TRMT11: variants seen among roughly 807,000 people sequenced by gnomAD.
TRMT11 encodes the protein tRNA (guanine(10)-N(2))-methyltransferase TRMT11.
A neutral mutation model predicts 62.8 loss-of-function variants in TRMT11; 53 were observed. The ratio of observed to expected loss-of-function variants is 0.84; its 90% CI spans 0.68 to 1.06. The LOEUF is 1.06. Among genes scored for constraint, TRMT11 ranks in the 50% least tolerant of loss-of-function variants. The pLI, the probability that TRMT11 is intolerant of heterozygous loss-of-function variation, is 0.00. For missense variants in TRMT11, 556 were observed against 553.4 expected (o/e 1.00, Z -0.05); for synonymous variants, 188 against 190.3 (o/e 0.99, Z 0.10).
chr6:126,266,803 T>C, the TRMT11 span, among the ~76,000 whole-genome samples: 1 of 152,214 alleles, frequency 6.6e-6, no homozygotes. Flanking sequence ...TAAAAGGGAA[T>C]TGTTCTTTTA....
At chr6:126,068,160 T>G (rs1776744054) in intron 17 of TRMT11, among the ~76,000 whole-genome samples, 1 of 152,146 alleles carries the variant, frequency 6.6e-6, no homozygotes. Flanking sequence ...TTGTCCATCA[T>G]TTTTTATTGT....
At chr6:126,248,185 T>C in the TRMT11 span, among the ~76,000 whole-genome samples, 1 of 152,120 alleles carries the variant, frequency 6.6e-6, no homozygotes, top group Admixed American at 6.6e-5. Context: ...TTGATCATCC[T>C]CTGAAAGACT....
intron 12 of TRMT11, among the ~76,000 whole-genome samples, chr6:126,028,464 T>C (rs1773593463): frequency 6.6e-6 from 1 of 152,154 alleles, no homozygotes; most frequent in African/African-American, 2.4e-5. Context: ...TTGCATTATT[T>C]ATAAATTATG....
intron 12 of TRMT11, among the ~76,000 whole-genome samples, chr6:126,028,010 A>G (rs1308334451): frequency 6.6e-6 from 1 of 152,214 alleles, no homozygotes; most frequent in African/African-American, 2.4e-5. Flanking sequence ...GTTGCTGATC[A>G]TAAACTCTGG....
chr6:126,189,615 G>T (rs1022060683), intron 1 of TRMT11, among the ~76,000 whole-genome samples: 2 of 152,002 alleles, frequency 1.3e-5, no homozygotes, highest in African/African-American at 4.8e-5. Flanking sequence ...TTCCTGTTAT[G>T]GCCAATAAAC....
At chr6:126,017,583 T>C (rs1448495581) in intron 11 of TRMT11, among the ~76,000 whole-genome samples, 1 of 152,200 alleles carries the variant, frequency 6.6e-6, no homozygotes, top group Admixed American at 6.5e-5. Context: ...TCTGTCCCCA[T>C]TGTTTGAGAT....
At chr6:126,002,970 C>CA in intron 7 of TRMT11, among the ~76,000 whole-genome samples, 1 of 152,174 alleles carries the variant, frequency 6.6e-6, no homozygotes, top group Middle Eastern at 3.4e-3. Context: ...TCCTGGAAAT[C>CA]ACTTCCTGTC....
upstream of TRMT11, among the ~76,000 whole-genome samples, chr6:126,175,106 G>T (rs1002217585): frequency 6.6e-6 from 1 of 152,174 alleles, no homozygotes. Context: ...GGAATGTTTT[G>T]TATCATTGAC....
intron 17 of TRMT11, among the ~76,000 whole-genome samples, chr6:126,064,299 G>A (rs1776623380): frequency 6.6e-6 from 1 of 152,150 alleles, no homozygotes; most frequent in Non-Finnish European, 1.5e-5. Context: ...CCTGTGAGAT[G>A]ACCGATACCC....
At chr6:126,183,880 G>A (rs544465982) in intron 1 of TRMT11, among the ~76,000 whole-genome samples, 14 of 152,158 alleles carry the variant, frequency 9.2e-5, no homozygotes, top group Non-Finnish European at 1.3e-4. Context: ...CTGAGAGAGA[G>A]TTACCTCAGC....
At chr6:126,242,039 C>T in the TRMT11 span, among the ~76,000 whole-genome samples, 32 of 152,268 alleles carry the variant, frequency 2.1e-4, no homozygotes, top group African/African-American at 6.3e-4. Context: ...AAAACCCCAT[C>T]GTCTCAGCCC....
At chr6:126,042,146 G>T (rs1403405941), downstream of TRMT11, among the ~76,000 whole-genome samples, 1 of 152,124 alleles carries the variant, frequency 6.6e-6, no homozygotes, top group East Asian at 1.9e-4. Flanking sequence ...AGAGTGTAAA[G>T]AATTATAATG....
chr6:126,007,988 T>C (rs1318284037), intron 7 of TRMT11, among the ~76,000 whole-genome samples: 4 of 152,044 alleles, frequency 2.6e-5, no homozygotes, highest in Admixed American at 2.6e-4. Context: ...TCAGTGGGAA[T>C]TGAGCCTAGT....
At chr6:126,182,254 G>C (rs1421608170) in intron 1 of TRMT11, among the ~76,000 whole-genome samples, 3 of 152,130 alleles carry the variant, frequency 2.0e-5, no homozygotes, top group African/African-American at 7.2e-5. Flanking sequence ...AGGAAGAGGT[G>C]CTCTTTAGGA....
chr6:126,202,552 G>T (rs1778746652), downstream of TRMT11, among the ~76,000 whole-genome samples: 2 of 152,110 alleles, frequency 1.3e-5, no homozygotes, highest in South Asian at 4.1e-4. Flanking sequence ...CAATAGAAAA[G>T]GGAGAGATTG....
At chr6:126,121,157 C>A (rs1178381073) in intron 21 of TRMT11, among the ~76,000 whole-genome samples, 5 of 152,100 alleles carry the variant, frequency 3.3e-5, no homozygotes, top group Admixed American at 6.6e-5. Context: ...TTCTTAAGCA[C>A]AAGGTCTGCT....
chr6:126,243,000 C>T, the TRMT11 span, among the ~76,000 whole-genome samples: 1 of 152,042 alleles, frequency 6.6e-6, no homozygotes, highest in Non-Finnish European at 1.5e-5. Context: ...AACAGGCAAC[C>T]TACAGAGTGG....
the TRMT11 span, among the ~76,000 whole-genome samples, chr6:126,234,478 G>A: frequency 6.6e-6 from 1 of 151,980 alleles, no homozygotes; most frequent in Non-Finnish European, 1.5e-5. Flanking sequence ...GTTGAAGTTA[G>A]TTAGAATTTA....
intron 17 of TRMT11, among the ~76,000 whole-genome samples, chr6:126,059,896 C>T (rs1313846325): frequency 1.3e-5 from 2 of 152,170 alleles, no homozygotes; most frequent in East Asian, 3.9e-4. Flanking sequence ...CTTCACAAAA[C>T]CCTGAGGCAT....
Sources: gnomAD v4.1 joint callset for allele counts (sites outside exome capture counted in the v4.1 genomes callset) on GRCh38, gnomAD v4.1.1 for gene constraint, MANE v1.5 for transcripts, NCBI Gene and HGNC (gene_info 2026-07-23, HGNC 2026-07-21) for gene names.